Variants in CORIN observed in about 807,000 individuals in gnomAD.
The protein encoded by CORIN is atrial natriuretic peptide-converting enzyme.
Under a neutral mutation model 125.3 loss-of-function variants are expected in CORIN, and 117 were observed. The ratio of observed to expected loss-of-function variants is 0.93; its 90% CI spans 0.80 to 1.09. The LOEUF (loss-of-function observed/expected upper bound fraction) is 1.09, where lower values mean the gene tolerates loss of function less well. Among genes scored for constraint, CORIN ranks in the 50% least tolerant of loss-of-function variants. The pLI is 0.00. For missense variants in CORIN, 1,253 were observed against 1,306.7 expected, an observed-to-expected ratio of 0.96 and a Z score of 0.63; for synonymous variants, 450 against 466.4, an observed-to-expected ratio of 0.96 and a Z score of 0.45.
At chr4:47,611,761 T>C (rs1422102676) in intron 19 of CORIN, among the ~76,000 whole-genome samples, 2 of 152,202 alleles carry the variant, frequency 1.3e-5, no homozygotes, top group South Asian at 2.1e-4. Flanking sequence ...ATTTAAGGGA[T>C]GTTCCTTCAA....
At chr4:47,739,101 T>A (rs943446029) in intron 5 of CORIN, among the ~76,000 whole-genome samples, 8 of 151,152 alleles carry the variant, frequency 5.3e-5, no homozygotes, top group African/African-American at 1.9e-4. Context: ...ATAATGGGAG[T>A]CCCAGAAAGA....
At chr4:47,620,386 A>G (rs754481995) in intron 19 of CORIN, among the ~76,000 whole-genome samples, 14 of 152,264 alleles carry the variant, frequency 9.2e-5, no homozygotes, top group Non-Finnish European at 1.9e-4. Context: ...GGCTTAAAAA[A>G]AATGAGTTAG....
At chr4:47,709,717 T>A (rs1481167426) in intron 5 of CORIN, among the ~76,000 whole-genome samples, 1 of 152,224 alleles carries the variant, frequency 6.6e-6, no homozygotes, top group Non-Finnish European at 1.5e-5. Context: ...TTACTCAATG[T>A]TTTGAAAATT....
intron 19 of CORIN, 49 bp from the exon 20 acceptor site, chr4:47,603,717 A>G (rs17572227): frequency 0.083 from 130,818 of 1,572,962 alleles, 5,942 homozygotes; most frequent in African/African-American, 0.13. Context: ...CTAGTTTATC[A>G]TGTGAAATTC....
chr4:47,710,860 C>T (rs1302565024), intron 5 of CORIN, among the ~76,000 whole-genome samples: 1 of 152,224 alleles, frequency 6.6e-6, no homozygotes, highest in African/African-American at 2.4e-5. Flanking sequence ...ACTGCTCACA[C>T]GCATGATCTA....
intron 5 of CORIN, among the ~76,000 whole-genome samples, chr4:47,736,769 C>T (rs1285184470): frequency 6.6e-6 from 1 of 152,176 alleles, no homozygotes; most frequent in Non-Finnish European, 1.5e-5. Flanking sequence ...TGGAACTTGC[C>T]AGTTCTTGGC....
intron 10 of CORIN, among the ~76,000 whole-genome samples, chr4:47,673,179 A>AAAATAAATAAAT (rs66990449): frequency 2.8e-5 from 4 of 142,738 alleles, no homozygotes; most frequent in African/African-American, 5.1e-5. Context: ...TCTTTACCAA[A>AAAATAAATAAAT]AAATAAATAA....
chr4:47,702,446 C>T (rs572271202), intron 5 of CORIN, among the ~76,000 whole-genome samples: 1 of 151,984 alleles, frequency 6.6e-6, no homozygotes, highest in South Asian at 2.1e-4. Context: ...GTAACTCAGT[C>T]ACAACGTTTA....
chr4:47,769,177 G>A (rs1218399137), intron 3 of CORIN, among the ~76,000 whole-genome samples: 1 of 152,012 alleles, frequency 6.6e-6, no homozygotes, highest in East Asian at 1.9e-4. Flanking sequence ...ATCAGAAATG[G>A]AGAGAAAAAT....
intron 5 of CORIN, among the ~76,000 whole-genome samples, chr4:47,710,908 G>C (rs1170133125): frequency 6.6e-6 from 1 of 152,222 alleles, no homozygotes; most frequent in Non-Finnish European, 1.5e-5. Flanking sequence ...CAAGTTTAAG[G>C]ATAAAGTTAT....
intron 14 of CORIN, among the ~76,000 whole-genome samples, chr4:47,643,608 C>T (rs753054030): frequency 2.6e-5 from 4 of 152,010 alleles, no homozygotes; most frequent in South Asian, 2.1e-4. Flanking sequence ...AGACTGAAGC[C>T]GCCTTAGATA....
At chr4:47,740,151 T>TTACTGTGTGTAAATTGA (rs1560527579) in intron 5 of CORIN, among the ~76,000 whole-genome samples, 2 of 151,968 alleles carry the variant, frequency 1.3e-5, no homozygotes, top group African/African-American at 4.8e-5. Flanking sequence ...GAGATTCAAT[T>TTACTGTGTGTAAATTGA]ATATACTGTG....
intron 4 of CORIN, among the ~76,000 whole-genome samples, chr4:47,752,508 C>T (rs1038727419): frequency 3.9e-5 from 6 of 152,146 alleles, no homozygotes; most frequent in African/African-American, 1.4e-4. Context: ...TCACACTACC[C>T]TGCCCAAGAG....
chr4:47,649,315 C>T (rs1723629986), intron 13 of CORIN, among the ~76,000 whole-genome samples: 1 of 152,230 alleles, frequency 6.6e-6, no homozygotes, highest in Non-Finnish European at 1.5e-5. Context: ...CATCCATCTA[C>T]CTGAGTTTAC....
At chr4:47,751,533 T>G (rs1179926476) in intron 4 of CORIN, among the ~76,000 whole-genome samples, 2 of 152,200 alleles carry the variant, frequency 1.3e-5, no homozygotes, top group Non-Finnish European at 2.9e-5. Flanking sequence ...GGCTGTTACT[T>G]CATCTGAATT....
chr4:47,652,953 G>A lies in CORIN; in HGVS notation c.1843+600C>T, dbSNP rs1470391252. Among the ~76,000 whole-genome samples, 3 of 152,130 alleles carry A rather than the reference G, an allele frequency of 2.0e-5. No individual in the cohort carries two copies. The East Asian group carries it at 5.8e-4, about 29-fold the overall frequency. ...TAAAAATAATTCTTTACATTTGTGA[G>A]GTGCTTCTCCTTTTAATAAGTGTTT... On this transcript the variant is annotated intron_variant, in intron 13 of 21. Transcript: ENST00000273857.
intron 15 of CORIN, 42 bp from the exon 16 acceptor site, chr4:47,642,091 T>C (rs1055097552): frequency 6.3e-7 from 1 of 1,597,562 alleles, no homozygotes; most frequent in East Asian, 2.3e-5. Context: ...TTAAAAACAT[T>C]TCTTCCCATG....
At chr4:47,623,825 G>T in intron 18 of CORIN, 74 bp downstream of exon 18, 1 of 1,606,482 alleles carries the variant, frequency 6.2e-7, no homozygotes, top group East Asian at 2.2e-5. Context: ...TCACTTACAA[G>T]CGATCACTCT....
At chr4:47,831,334 G>C (rs1467668327) in intron 1 of CORIN, 2 of 152,316 alleles carry the variant, frequency 1.3e-5, no homozygotes, top group African/African-American at 4.8e-5. Context: ...CCCTTCAGCA[G>C]AGCTCAGAGC....
Sources: gnomAD v4.1 joint callset for allele counts (sites outside exome capture counted in the v4.1 genomes callset) on GRCh38, gnomAD v4.1.1 for gene constraint, MANE v1.5 for transcripts, NCBI Gene and HGNC (gene_info 2026-07-23, HGNC 2026-07-21) for gene names.